Variants in GABBR2 observed in about 807,000 individuals in gnomAD.
GABBR2 encodes the protein G-protein coupled receptor 51.
GABBR2 carries 23 observed loss-of-function variants against 105.6 expected under a neutral mutation model. The observed-to-expected ratio is 0.22, with a 90% CI of 0.16 to 0.31. The LOEUF (loss-of-function observed/expected upper bound fraction) is 0.31. Ranked by LOEUF, GABBR2 falls within the 10% of genes least tolerant of loss-of-function variation. GABBR2 has a pLI of 1.00. For synonymous variants in GABBR2, 478 were observed against 499.7 expected, an observed-to-expected ratio of 0.96 and a Z score of 0.58; for missense variants, 734 against 1,245.5, an observed-to-expected ratio of 0.59 and a Z score of 6.18.
chr9:98,665,130 G>A (rs1354988200), intron 1 of GABBR2, among the ~76,000 whole-genome samples: 1 of 152,004 alleles, frequency 6.6e-6, no homozygotes, highest in African/African-American at 2.4e-5. Flanking sequence ...TTAGCCCAGT[G>A]TGGTGGCATG....
At chr9:98,355,656 G>C (rs888795240) in intron 13 of GABBR2, among the ~76,000 whole-genome samples, 1 of 152,150 alleles carries the variant, frequency 6.6e-6, no homozygotes. Context: ...TTCCCAACTT[G>C]ATCTATACAT....
intron 7 of GABBR2, among the ~76,000 whole-genome samples, chr9:98,427,115 T>C (rs940327135): frequency 1.3e-5 from 2 of 152,226 alleles, no homozygotes; most frequent in Non-Finnish European, 2.9e-5. Flanking sequence ...AGGAGGTTCT[T>C]CTAGCGGCAG....
chr9:98,667,504 A>T (rs1335600782), intron 1 of GABBR2, among the ~76,000 whole-genome samples: 2 of 152,140 alleles, frequency 1.3e-5, no homozygotes, highest in Non-Finnish European at 2.9e-5. Context: ...CCCCAGGGGC[A>T]GCCCACATCC....
chr9:98,699,587 A>G (rs1173087004), intron 1 of GABBR2, among the ~76,000 whole-genome samples: 1 of 152,192 alleles, frequency 6.6e-6, no homozygotes, highest in Non-Finnish European at 1.5e-5. Flanking sequence ...TGGCCCTGAG[A>G]TAGTGCCTAG....
At chr9:98,561,088 G>T (rs1240573492) in intron 2 of GABBR2, among the ~76,000 whole-genome samples, 1 of 151,734 alleles carries the variant, frequency 6.6e-6, no homozygotes, top group African/African-American at 2.4e-5. Context: ...CCTTGCTTTT[G>T]GTTGGCATTT....
intron 1 of GABBR2, among the ~76,000 whole-genome samples, chr9:98,641,728 T>C (rs946208402): frequency 1.3e-5 from 2 of 152,198 alleles, no homozygotes; most frequent in African/African-American, 2.4e-5. Context: ...GTTTCTATGT[T>C]GGTTTCTGTG....
At chr9:98,447,413 A>G (rs949375710) in intron 7 of GABBR2, among the ~76,000 whole-genome samples, 11 of 152,138 alleles carry the variant, frequency 7.2e-5, no homozygotes, top group Non-Finnish European at 1.3e-4. Flanking sequence ...TAAGACACCA[A>G]TGTCTGGCTG....
chr9:98,419,044 AT>A (rs1832736437), intron 7 of GABBR2, among the ~76,000 whole-genome samples: 1 of 152,232 alleles, frequency 6.6e-6, no homozygotes, highest in Non-Finnish European at 1.5e-5. Flanking sequence ...GAGAGATGCA[AT>A]TTGCAATCTG....
intron 1 of GABBR2, among the ~76,000 whole-genome samples, chr9:98,679,999 G>A (rs1830522503): frequency 1.3e-5 from 2 of 152,210 alleles, no homozygotes; most frequent in Admixed American, 1.3e-4. Context: ...CCTGTGTCAT[G>A]TAAAACTTAT....
At chr9:98,647,575 C>G (rs891507844) in intron 1 of GABBR2, among the ~76,000 whole-genome samples, 4 of 152,336 alleles carry the variant, frequency 2.6e-5, no homozygotes, top group Admixed American at 2.6e-4. Context: ...GAAACCCAAA[C>G]CTGGCCCCGA....
At chr9:98,549,941 C>G (rs1445089948) in intron 2 of GABBR2, among the ~76,000 whole-genome samples, 2 of 152,190 alleles carry the variant, frequency 1.3e-5, no homozygotes, top group Non-Finnish European at 2.9e-5. Context: ...AGAGGAGTGG[C>G]AAAATCCTCC....
intron 12 of GABBR2, among the ~76,000 whole-genome samples, chr9:98,364,157 G>A (rs1017846648): frequency 6.6e-6 from 1 of 152,202 alleles, no homozygotes; most frequent in African/African-American, 2.4e-5. Context: ...CACCGGCAAA[G>A]CCCGCTCTGA....
chr9:98,400,460 A>G (rs1272577519), intron 8 of GABBR2, among the ~76,000 whole-genome samples: 1 of 152,198 alleles, frequency 6.6e-6, no homozygotes, highest in Non-Finnish European at 1.5e-5. Context: ...CTGCAGAGCA[A>G]CCTGGCAGGT....
In GABBR2 at chr9:98,325,453, G is replaced by A. The variant is rs924325659; in HGVS notation, c.1894-14248C>T. Among the ~76,000 whole-genome samples the A allele has an allele frequency of 3.3e-5, 5 of 151,884 alleles. No homozygotes were observed. The East Asian group carries it at 5.8e-4, about 18-fold the overall frequency. On this transcript the variant is annotated intron_variant, in intron 13 of 18. Transcript: ENST00000259455. ...ATTACACGTGCATGCCACAACACCC[G>A]GCTGATTTTTATATTTTTAGTAGAG... is the stretch of plus-strand genomic sequence containing the variant.
intron 4 of GABBR2, 70 bp from the exon 5 acceptor site, chr9:98,481,067 G>A: frequency 1.0e-6 from 1 of 971,322 alleles, no homozygotes; most frequent in Middle Eastern, 2.1e-4. Context: ...CAAGGCTGTG[G>A]CAGACAACAT....
chr9:98,475,625 T>G lies in GABBR2; in HGVS notation c.799-2279A>C, dbSNP rs571917189. Among the ~76,000 whole-genome samples the G allele has an allele frequency of 2.0e-5, 3 of 152,362 alleles. No individual in the cohort carries two copies. In the East Asian group the frequency reaches 5.8e-4, roughly 29 times the overall value. Reference sequence around the variant, plus strand: ...TTATAGATGAAATTTTCTCAACACATATAGCTGGTAAGTCAAAGGGACAAG... The same window carrying G: ...TTATAGATGAAATTTTCTCAACACAGATAGCTGGTAAGTCAAAGGGACAAG... On this transcript the variant is annotated intron_variant, in intron 5 of 18. Coordinates refer to ENST00000259455, the MANE Select transcript of GABBR2 (RefSeq NM_005458.8).
intron 5 of GABBR2, among the ~76,000 whole-genome samples, chr9:98,475,130 C>T (rs192343164): frequency 5.3e-5 from 8 of 152,156 alleles, no homozygotes; most frequent in African/African-American, 7.2e-5. Context: ...ACAGGACCTT[C>T]GCTTCCCTCA....
chr9:98,627,470 G>A (rs1049964533), intron 1 of GABBR2, among the ~76,000 whole-genome samples: 2 of 152,208 alleles, frequency 1.3e-5, no homozygotes, highest in Non-Finnish European at 2.9e-5. Flanking sequence ...GCTAATGCAG[G>A]AATCATCGGG....
chr9:98,571,995 G>A (rs1413184250), intron 2 of GABBR2, among the ~76,000 whole-genome samples: 1 of 152,210 alleles, frequency 6.6e-6, no homozygotes, highest in Non-Finnish European at 1.5e-5. Flanking sequence ...AACACCCTCA[G>A]CTCTCCAATG....
Sources: allele counts gnomAD v4.1 joint callset (sites outside exome capture counted in the v4.1 genomes callset), GRCh38; gene constraint gnomAD v4.1.1; transcripts MANE v1.5; gene names NCBI Gene and HGNC (gene_info 2026-07-23, HGNC 2026-07-21).